Variants in CNTNAP3 observed in about 807,000 individuals in gnomAD.
CNTNAP3 encodes the protein contactin associated protein family member 3.
A neutral mutation model predicts 92.1 loss-of-function variants in CNTNAP3; 36 were observed. That is an observed-to-expected ratio of 0.39 (90% confidence interval 0.30 to 0.52). The LOEUF (loss-of-function observed/expected upper bound fraction) is 0.52, where lower values mean the gene tolerates loss of function less well. Ranked by LOEUF, CNTNAP3 falls within the 20% of genes least tolerant of loss-of-function variation. The pLI, the probability that CNTNAP3 is intolerant of heterozygous loss-of-function variation, is 0.76. For synonymous variants in CNTNAP3, 232 were observed against 422.3 expected, an observed-to-expected ratio of 0.55 and a Z score of 5.53; for missense variants, 534 against 1,069.6, an observed-to-expected ratio of 0.50 and a Z score of 6.98.
At chr9:39,120,109 T>C (rs532834648) in intron 13 of CNTNAP3, among the ~76,000 whole-genome samples, 2 of 152,042 alleles carry the variant, frequency 1.3e-5, no homozygotes, top group Admixed American at 1.3e-4. Flanking sequence ...AAAGTTTAAG[T>C]CCAAAAAAGG....
rs767541305 is a variant in CNTNAP3, at chr9:39,085,769, C to T, written c.3409G>A (p.Ala1137Thr). The T allele has an allele frequency of 4.6e-5, 72 of 1,566,660 alleles. 2 individuals are homozygous for T. In the East Asian group the frequency reaches 9.8e-4, roughly 21 times the overall value. Residue 1137 changes from alanine (A) to threonine (T), a missense_variant, in exon 21 of 24, where the codon GCC becomes ACC. Physicochemically the swap from Ala to Thr is moderately conservative, Grantham distance 58 (BLOSUM62 0). Transcript: ENST00000297668. ...TTTCCCAATATGAGAGATTTGACGGCGTTGAATTCTGTCCCTGAGGACAAG... is the reference window on the plus strand; with the variant it reads ...TTTCCCAATATGAGAGATTTGACGGTGTTGAATTCTGTCCCTGAGGACAAG... ...VILSSGTEFN[A>T]VKSLILGKVL...
intron 13 of CNTNAP3, among the ~76,000 whole-genome samples, chr9:39,127,617 A>G (rs1018754853): frequency 6.6e-6 from 1 of 152,186 alleles, no homozygotes; most frequent in Non-Finnish European, 1.5e-5. Context: ...CAAACAAATA[A>G]TAAGAAAATA....
At chr9:39,102,420 G>A in intron 17 of CNTNAP3, 77 bp downstream of exon 17, 2 of 1,561,118 alleles carry the variant, frequency 1.3e-6, no homozygotes, top group Non-Finnish European at 1.7e-6. Context: ...GTTGCTCTCA[G>A]TACATCACAG....
chr9:39,098,809 T>G (rs2118468706), intron 18 of CNTNAP3, among the ~76,000 whole-genome samples: 1 of 152,284 alleles, frequency 6.6e-6, no homozygotes, highest in African/African-American at 2.4e-5. Flanking sequence ...AAGCCTGTTT[T>G]GCTGCTAAAA....
intron 8 of CNTNAP3, among the ~76,000 whole-genome samples, chr9:39,168,015 TG>T (rs1255451438): frequency 7.0e-6 from 1 of 142,930 alleles, no homozygotes; most frequent in African/African-American, 2.8e-5. Flanking sequence ...AGTTTTTTTT[TG>T]TTTTTGTTTT....
At chr9:39,143,500 G>C (rs557133200) in intron 11 of CNTNAP3, among the ~76,000 whole-genome samples, 7 of 152,088 alleles carry the variant, frequency 4.6e-5, no homozygotes, top group African/African-American at 1.7e-4. Context: ...ACTAGCTGGG[G>C]GCCAAGTTAC....
At position 39,066,502 on chromosome 9, in the gene CNTNAP3, T is replaced by C. The variant is rs1466089211; in HGVS notation, c.*7388A>G. The stretch of plus-strand genomic sequence containing the variant: ...AAGATATTATTCTTTATTTTCCTTC[T>C]TCCTGAAAGGCTTTTACACTGTTCT... On this transcript the variant is annotated 3_prime_UTR_variant, in exon 24 of 24. Coordinates refer to ENST00000297668, the MANE Select transcript of CNTNAP3 (RefSeq NM_033655.5). Among the ~76,000 whole-genome samples, 1 of 152,258 alleles carries C rather than the reference T, an allele frequency of 6.6e-6. No homozygotes were observed. Among genetic ancestry groups the C allele is most frequent in the Non-Finnish European group, 1.5e-5 (1 of 68,048 alleles).
intron 14 of CNTNAP3, among the ~76,000 whole-genome samples, chr9:39,114,749 T>A (rs1820814052): frequency 6.6e-6 from 1 of 152,170 alleles, no homozygotes; most frequent in East Asian, 1.9e-4. Flanking sequence ...TTTTATGCTT[T>A]TTTTTGTGGT....
At chr9:39,168,200 G>A (rs1166664467) in intron 8 of CNTNAP3, among the ~76,000 whole-genome samples, 1 of 142,048 alleles carries the variant, frequency 7.0e-6, no homozygotes, top group Non-Finnish European at 1.6e-5. Flanking sequence ...TGTATTTTTA[G>A]TAGAGATGGG....
rs1445500680 is a variant in CNTNAP3, at chr9:39,102,413, G to A, written c.2755+84C>T. ...GCAGTAGTTGTTGTTGGCAACTGTT[G>A]CTCTCAGTACATCACAGTTCTTATT... On this transcript the variant is annotated intron_variant, in intron 17 of 23. Coordinates refer to ENST00000297668, the MANE Select transcript of CNTNAP3 (RefSeq NM_033655.5). The A allele has an allele frequency of 2.6e-6, 4 of 1,562,974 alleles. No homozygotes were observed. The African/African-American group carries it at 5.4e-5, about 21-fold the overall frequency.
chr9:39,093,724 T>C (rs1250850131), intron 18 of CNTNAP3, among the ~76,000 whole-genome samples: 1 of 151,594 alleles, frequency 6.6e-6, no homozygotes, highest in East Asian at 1.9e-4. Flanking sequence ...GGCTGAACAA[T>C]ATACCATTAT....
chr9:39,161,798 A>G (rs1489666883), intron 9 of CNTNAP3, among the ~76,000 whole-genome samples: 1 of 115,752 alleles, frequency 8.6e-6, no homozygotes, highest in Non-Finnish European at 1.7e-5. Flanking sequence ...GTATCGTGTC[A>G]TTGCACTCCA....
At chr9:39,145,955 CAT>C (rs1184271135) in intron 10 of CNTNAP3, among the ~76,000 whole-genome samples, 1 of 146,580 alleles carries the variant, frequency 6.8e-6, no homozygotes, top group African/African-American at 2.5e-5. Flanking sequence ...ATCTTAAGAT[CAT>C]ACCTGACTTG....
Position 39,107,430 on chromosome 9 carries a change from T to C in CNTNAP3, c.2365+1730A>G, listed in dbSNP as rs539189441. ...GAAGGAAGGAGCCATCTGAATGGGA[T>C]GGAGGAAGGAAATTAAGAGAGAACA... On this transcript the variant is annotated intron_variant, in intron 15 of 23. Transcript: ENST00000297668. Among the ~76,000 whole-genome samples, 1,210 of 150,190 alleles carry C rather than the reference T, an allele frequency of 8.1e-3. 6 individuals carry two copies. Among genetic ancestry groups the C allele is most frequent in the African/African-American group, 0.028 (1,152 of 40,772 alleles).
Position 39,105,308 on chromosome 9 carries a change from T to C in CNTNAP3, c.2366-1394A>G, listed in dbSNP as rs546692018. ...CAGGCATGGTGGTGGGTGCCTGTAG[T>C]CCCAGCTACTCGGGAGGCTGAGGCA... On this transcript the variant is annotated intron_variant, in intron 15 of 23. Transcript: ENST00000297668. 2.6e-5 allele frequency among the ~76,000 whole-genome samples: 4 copies of C among 152,246 alleles called. No individual in the cohort carries two copies. In the South Asian group the frequency reaches 8.3e-4, roughly 32 times the overall value.
In CNTNAP3 at chr9:39,085,762, T is replaced by C. The variant is rs1826049486; in HGVS notation, c.3416A>G (p.Lys1139Arg). The change falls in exon 21 of 24, where the codon AAA (lysine) becomes AGA (arginine). Residue 1139 changes from lysine to arginine, a missense_variant. By Grantham distance (26) the Lys-to-Arg change is conservative. Transcript: ENST00000297668. ...TAAAACCTTTCCCAATATGAGAGAT[T>C]TGACGGCGTTGAATTCTGTCCCTGA... is the stretch of plus-strand genomic sequence containing the variant. ...LSSGTEFNAV[K>R]SLILGKVLEA... 3 of 1,561,486 alleles carry C rather than the reference T, an allele frequency of 1.9e-6. No homozygotes were observed. The highest frequency in any genetic ancestry group is 2.6e-6 in the Non-Finnish European group (3 of 1,145,422).
At chr9:39,090,351 A>C (rs1435477078) in intron 18 of CNTNAP3, among the ~76,000 whole-genome samples, 2 of 152,146 alleles carry the variant, frequency 1.3e-5, no homozygotes, top group Non-Finnish European at 2.9e-5. Context: ...TTGTTCTCCC[A>C]TGTTTTAAGA....
chr9:39,162,272 G>A (rs138547504), intron 9 of CNTNAP3, among the ~76,000 whole-genome samples: 4 of 36,172 alleles, frequency 1.1e-4, no homozygotes, highest in Non-Finnish European at 1.7e-4. Context: ...AATGCAAATC[G>A]AAACCACAAT....
intron 23 of CNTNAP3, among the ~76,000 whole-genome samples, chr9:39,077,066 C>T (rs554695700): frequency 1.3e-5 from 2 of 152,272 alleles, no homozygotes; most frequent in Non-Finnish European, 2.9e-5. Context: ...GTTTTCATTG[C>T]CAAAACATAT....
Sources: allele counts gnomAD v4.1 joint callset (sites outside exome capture counted in the v4.1 genomes callset), GRCh38; gene constraint gnomAD v4.1.1; transcripts MANE v1.5; gene names NCBI Gene and HGNC (gene_info 2026-07-23, HGNC 2026-07-21).